The following RMP24 variants were observed in gnomAD, a reference collection of about 807,000 sequenced individuals.
RMP24 encodes ribonuclease MRP protein subunit p24.
chr18:35,979,257 TAAAG>T, the RMP24 span: 1 of 253,852 alleles, frequency 3.9e-6, no homozygotes, highest in East Asian at 7.6e-5. Context: ...TGTATGTATA[TAAAG>T]ATAGATATAT....
the RMP24 span, chr18:35,972,792 G>A: frequency 6.2e-7 from 1 of 1,614,162 alleles, no homozygotes; most frequent in Non-Finnish European, 8.5e-7. Context: ...CCCGGGCCAA[G>A]CCCGCTACCT....
At chr18:35,977,302 A>G in the RMP24 span, 10 of 984,274 alleles carry the variant, frequency 1.0e-5, no homozygotes, top group Middle Eastern at 3.2e-4. Context: ...ACTTACCCCT[A>G]TAGTATCTGG....
the RMP24 span, chr18:35,978,891 CAAAG>C: frequency 6.2e-7 from 1 of 1,613,108 alleles, no homozygotes; most frequent in Non-Finnish European, 8.5e-7. Flanking sequence ...ACCAGCAAAA[CAAAG>C]AAACACTTCT....
At chr18:35,977,445 ACAT>A in the RMP24 span, 1 of 1,613,888 alleles carries the variant, frequency 6.2e-7, no homozygotes, top group South Asian at 1.1e-5. Context: ...GAACAGTGAA[ACAT>A]CATGGTAAAA....
chr18:35,975,150 T>C, the RMP24 span: 1 of 1,448,066 alleles, frequency 6.9e-7, no homozygotes, highest in Non-Finnish European at 9.4e-7. Flanking sequence ...TTTCTTTCAC[T>C]TAAAATCAGT....
chr18:35,974,908 C>A, the RMP24 span: 2 of 1,613,160 alleles, frequency 1.2e-6, no homozygotes, highest in Non-Finnish European at 1.7e-6. Context: ...GATAAGAGCA[C>A]TTTTGAAGAA....
the RMP24 span, among the ~76,000 whole-genome samples, chr18:35,977,141 TG>T: frequency 3.3e-5 from 5 of 151,942 alleles, no homozygotes; most frequent in African/African-American, 1.2e-4. Flanking sequence ...GAGGATCACT[TG>T]AACCCAGGAG....
At chr18:35,975,179 A>G in the RMP24 span, 43 of 1,120,894 alleles carry the variant, frequency 3.8e-5, no homozygotes, top group Non-Finnish European at 5.2e-5. Flanking sequence ...CAGCCTCAGT[A>G]TAACTCAGAG....
chr18:35,978,793 T>C, the RMP24 span: 61 of 1,512,640 alleles, frequency 4.0e-5, no homozygotes, highest in African/African-American at 7.2e-4. Flanking sequence ...AAAATGATTG[T>C]CATTTGTTGG....
the RMP24 span, chr18:35,973,184 G>T: frequency 1.8e-6 from 1 of 566,426 alleles, no homozygotes; most frequent in Non-Finnish European, 3.2e-6. Context: ...ATTACTTCTC[G>T]ATTTGCTTTG....
the RMP24 span, chr18:35,973,169 C>T: frequency 2.4e-5 from 14 of 585,070 alleles, no homozygotes; most frequent in Non-Finnish European, 4.0e-5. Flanking sequence ...TTCACCTCTT[C>T]ATTTATTACT....
At chr18:35,975,129 T>G in the RMP24 span, 1 of 1,554,750 alleles carries the variant, frequency 6.4e-7, no homozygotes, top group Non-Finnish European at 8.7e-7. Flanking sequence ...ATGAGTAAAC[T>G]AGAATTTTCT....
At chr18:35,977,434 A>G in the RMP24 span, 2 of 1,613,374 alleles carry the variant, frequency 1.2e-6, no homozygotes, top group Non-Finnish European at 1.7e-6. Flanking sequence ...AACATGCAAC[A>G]GAACAGTGAA....
chr18:35,977,716 C>T, the RMP24 span: 48 of 1,017,142 alleles, frequency 4.7e-5, no homozygotes, highest in Admixed American at 1.1e-4. Flanking sequence ...GCCATTTTTC[C>T]TCCATACCCT....
the RMP24 span, chr18:35,973,029 C>T: frequency 1.5e-6 from 2 of 1,296,374 alleles, no homozygotes. Context: ...AACAACAAAG[C>T]CCGCATGTGT....
chr18:35,974,836 G>A, the RMP24 span: 5 of 1,429,968 alleles, frequency 3.5e-6, no homozygotes, highest in Non-Finnish European at 4.9e-6. Context: ...AATGTTGACA[G>A]TTTGAGGTAA....
the RMP24 span, chr18:35,977,476 A>G: frequency 3.7e-6 from 6 of 1,614,054 alleles, no homozygotes; most frequent in African/African-American, 6.7e-5. Flanking sequence ...CTTTGTGTCA[A>G]CATTGAAGAG....
At chr18:35,972,951 C>T in the RMP24 span, 1 of 1,611,624 alleles carries the variant, frequency 6.2e-7, no homozygotes, top group African/African-American at 1.3e-5. Flanking sequence ...TCTTGTCGCC[C>T]CGCTTTCCTC....
At chr18:35,975,149 C>T in the RMP24 span, 14 of 1,464,860 alleles carry the variant, frequency 9.6e-6, no homozygotes, top group South Asian at 1.6e-4. Flanking sequence ...TTTTCTTTCA[C>T]TTAAAATCAG....
Sources: allele counts gnomAD v4.1 joint callset (sites outside exome capture counted in the v4.1 genomes callset), GRCh38; gene constraint gnomAD v4.1.1; transcripts MANE v1.5; gene names NCBI Gene and HGNC (gene_info 2026-07-23, HGNC 2026-07-21).